Variants in SHISA6 observed in about 807,000 individuals in gnomAD.
The protein encoded by SHISA6 is protein shisa-6.
SHISA6 carries 22 observed loss-of-function variants against 47.9 expected under a neutral mutation model. That is an observed-to-expected ratio of 0.46 (90% CI 0.33 to 0.66). SHISA6 has a LOEUF of 0.66. Among genes scored for constraint, SHISA6 ranks in the 30% least tolerant of loss-of-function variants. The probability of loss-of-function intolerance (pLI) is 0.02; values close to 1 mark genes in which losing one functional copy is unlikely to be tolerated. For missense variants in SHISA6, 680 were observed against 764.6 expected (o/e 0.89, Z 1.30); for synonymous variants, 388 against 337.8 (o/e 1.15, Z -1.63).
chr17:11,271,601 C>CTTTTTTT (rs770845288), intron 2 of SHISA6, among the ~76,000 whole-genome samples: 3 of 99,690 alleles, frequency 3.0e-5, no homozygotes, highest in African/African-American at 8.9e-5. Context: ...CCACGCCTGG[C>CTTTTTTT]TTTTTTTTTT....
At chr17:11,506,829 C>T (rs956325576) in intron 3 of SHISA6, among the ~76,000 whole-genome samples, 1 of 152,174 alleles carries the variant, frequency 6.6e-6, no homozygotes, top group Non-Finnish European at 1.5e-5. Context: ...AGTTCAGGAC[C>T]TAGGACAGCA....
chr17:11,506,990 C>T (rs2071504145), intron 3 of SHISA6, among the ~76,000 whole-genome samples: 1 of 152,094 alleles, frequency 6.6e-6, no homozygotes, highest in South Asian at 2.1e-4. Flanking sequence ...AGTCTAGGCA[C>T]GTTGAGGCCA....
At chr17:11,347,512 T>C (rs537780629) in intron 2 of SHISA6, among the ~76,000 whole-genome samples, 3 of 152,330 alleles carry the variant, frequency 2.0e-5, no homozygotes, top group East Asian at 3.9e-4. Context: ...TCACATGTAT[T>C]ATCTTATTAA....
At chr17:11,366,902 C>G (rs73975341) in intron 2 of SHISA6, among the ~76,000 whole-genome samples, 2,383 of 152,242 alleles carry the variant, frequency 0.016, 58 homozygotes, top group African/African-American at 0.045. Context: ...AATTGCTGAA[C>G]CTTACTTGAG....
chr17:11,484,330 G>C (rs1486582701), intron 3 of SHISA6, among the ~76,000 whole-genome samples: 1 of 152,128 alleles, frequency 6.6e-6, no homozygotes. Context: ...GAACAAACTA[G>C]AGAGAAAGAT....
At position 11,241,369 on chromosome 17, in the gene SHISA6, C is replaced by A; in HGVS notation, c.-54C>A. On this transcript the variant is annotated 5_prime_UTR_variant, in exon 1 of 6. Transcript: ENST00000441885. The surrounding 1 kb of genome is among the most constrained non-coding windows in gnomAD (Gnocchi z 5.5). ...GGCGGGTCCTCCGAGCCCGGCCCGC[C>A]GGGGGAGCGGCCTGCCGCGGAAGCC... is the stretch of plus-strand genomic sequence containing the variant. 3 of 1,016,458 alleles carry A rather than the reference C, an allele frequency of 3.0e-6. No homozygotes were observed. Among genetic ancestry groups the A allele is most frequent in the Non-Finnish European group, 3.5e-6 (3 of 851,796 alleles). The allele number at this position is 1,016,458 out of a possible 1,614,324, so 63.0% of individuals were successfully genotyped here.
At chr17:11,351,336 T>G (rs1911883472) in intron 2 of SHISA6, among the ~76,000 whole-genome samples, 1 of 152,186 alleles carries the variant, frequency 6.6e-6, no homozygotes, top group Non-Finnish European at 1.5e-5. Context: ...TATCCCGTCT[T>G]TATCTCCTGT....
chr17:11,473,339 T>C (rs1481087816), intron 3 of SHISA6, among the ~76,000 whole-genome samples: 2 of 152,180 alleles, frequency 1.3e-5, no homozygotes, highest in Non-Finnish European at 2.9e-5. Context: ...TAGTAAAGAA[T>C]AGAAATTTAT....
intron 3 of SHISA6, among the ~76,000 whole-genome samples, chr17:11,496,178 C>T (rs2071407431): frequency 6.6e-6 from 1 of 152,156 alleles, no homozygotes; most frequent in Non-Finnish European, 1.5e-5. Flanking sequence ...ATTAGTCAAA[C>T]AAGGGTGTCC....
At chr17:11,549,658 G>A (rs1479549205) in intron 3 of SHISA6, among the ~76,000 whole-genome samples, 1 of 152,126 alleles carries the variant, frequency 6.6e-6, no homozygotes, top group East Asian at 1.9e-4. Context: ...ACCCTTTCCT[G>A]GTGATACCTC....
chr17:11,371,058 T>G (rs1233491480), intron 2 of SHISA6, among the ~76,000 whole-genome samples: 3 of 152,232 alleles, frequency 2.0e-5, no homozygotes, highest in Admixed American at 1.3e-4. Flanking sequence ...TGGGCTTATG[T>G]GAGCAAGCAC....
At chr17:11,326,019 C>T (rs1910874114) in intron 2 of SHISA6, among the ~76,000 whole-genome samples, 1 of 152,174 alleles carries the variant, frequency 6.6e-6, no homozygotes, top group Non-Finnish European at 1.5e-5. Flanking sequence ...GCCTGTAATC[C>T]CAGCAGTTTG....
intron 3 of SHISA6, among the ~76,000 whole-genome samples, chr17:11,424,363 C>A (rs564000059): frequency 2.0e-5 from 3 of 152,146 alleles, no homozygotes; most frequent in East Asian, 1.9e-4. Context: ...TGTATGAAAT[C>A]ATCATCAACC....
intron 1 of SHISA6, among the ~76,000 whole-genome samples, chr17:11,244,938 G>A (rs376579505): frequency 2.6e-5 from 4 of 152,148 alleles, no homozygotes; most frequent in Non-Finnish European, 5.9e-5. Flanking sequence ...TGAAGGGAAC[G>A]GATGGGCCAT....
At chr17:11,435,048 G>C (rs930592230) in intron 3 of SHISA6, among the ~76,000 whole-genome samples, 2 of 152,082 alleles carry the variant, frequency 1.3e-5, no homozygotes, top group South Asian at 2.1e-4. Context: ...GGTCACAAGC[G>C]TGGGGCCCTA....
At position 11,563,018 on chromosome 17, in the gene SHISA6, T is replaced by G. The variant is rs957362307; in HGVS notation, c.*4714T>G. On this transcript the variant is annotated 3_prime_UTR_variant, in exon 6 of 6. Coordinates refer to ENST00000441885, the MANE Select transcript of SHISA6 (RefSeq NM_207386.4). ...ACACCTAAACCATCCTAAGTGACTG[T>G]GGAATTCTGGGGAATTCTGAGTTTG... 3 of 137,738 alleles carry G rather than the reference T, an allele frequency of 2.2e-5. No individual in the cohort carries two copies. The highest frequency in any genetic ancestry group is 7.2e-5 in the African/African-American group (2 of 27,818). The allele number at this position is 137,738 out of a possible 1,614,324, so 8.5% of individuals were successfully genotyped here. A position where few individuals can be genotyped will look rare whatever the true frequency, so the allele number is the denominator to read the frequency against.
intron 3 of SHISA6, among the ~76,000 whole-genome samples, chr17:11,538,154 C>T (rs2071803412): frequency 2.0e-5 from 3 of 152,112 alleles, no homozygotes. Context: ...ACTTCTGCCT[C>T]TTGGGTTCAA....
chr17:11,521,092 T>C (rs147493476), intron 3 of SHISA6, among the ~76,000 whole-genome samples: 4 of 152,326 alleles, frequency 2.6e-5, no homozygotes, highest in African/African-American at 9.6e-5. Context: ...TGGGTTCAAA[T>C]TAAGATAGAC....
At chr17:11,334,167 G>A (rs748723654) in intron 2 of SHISA6, among the ~76,000 whole-genome samples, 7 of 152,168 alleles carry the variant, frequency 4.6e-5, no homozygotes, top group Non-Finnish European at 8.8e-5. Context: ...CAGGAGGCCT[G>A]ACAACTGCAA....
Sources: gnomAD v4.1 joint callset for allele counts (sites outside exome capture counted in the v4.1 genomes callset) on GRCh38, gnomAD v4.1.1 for gene constraint, Gnocchi (gnomAD v3.1) non-coding constraint, MANE v1.5 for transcripts, NCBI Gene and HGNC (gene_info 2026-07-23, HGNC 2026-07-21) for gene names.